LRRC4C: variants seen among roughly 807,000 people sequenced by gnomAD.
LRRC4C encodes leucine rich repeat containing 4C.
A neutral mutation model predicts 33.6 loss-of-function variants in LRRC4C; 5 were observed. The ratio of observed to expected loss-of-function variants is 0.15; its 90% confidence interval spans 0.08 to 0.31. The LOEUF is 0.31. Ranked by LOEUF, LRRC4C falls within the 10% of genes least tolerant of loss-of-function variation. The pLI is 1.00. For missense variants in LRRC4C, 560 were observed against 796.7 expected (o/e 0.70, Z 3.58); for synonymous variants, 329 against 302.0 (o/e 1.09, Z -0.93).
intron 1 of LRRC4C, among the ~76,000 whole-genome samples, chr11:41,205,879 C>T (rs996166080): frequency 1.3e-5 from 2 of 152,008 alleles, no homozygotes; most frequent in Non-Finnish European, 2.9e-5. Flanking sequence ...ATGTCAAAGG[C>T]AGAATTTAAA....
intron 2 of LRRC4C, among the ~76,000 whole-genome samples, chr11:40,755,316 A>G (rs181262339): frequency 1.4e-3 from 207 of 152,214 alleles, no homozygotes; most frequent in Middle Eastern, 3.4e-3. Context: ...GGAAGAGAGT[A>G]CTAGAGAGAC....
At chr11:40,653,140 G>A (rs1942905450) in intron 2 of LRRC4C, among the ~76,000 whole-genome samples, 1 of 152,186 alleles carries the variant, frequency 6.6e-6, no homozygotes, top group Admixed American at 6.5e-5. Flanking sequence ...AGCAGGCTGA[G>A]AATGTACTAA....
chr11:40,242,493 C>T (rs1164608568), intron 4 of LRRC4C, among the ~76,000 whole-genome samples: 1 of 152,178 alleles, frequency 6.6e-6, no homozygotes, highest in East Asian at 1.9e-4. Context: ...ATCATCTGGA[C>T]TTAAACCCAA....
chr11:40,809,792 G>T (rs1365341193), intron 2 of LRRC4C, among the ~76,000 whole-genome samples: 1 of 152,110 alleles, frequency 6.6e-6, no homozygotes, highest in Non-Finnish European at 1.5e-5. Context: ...CTCAGTAAAT[G>T]GTGGTTGTTA....
chr11:40,981,127 A>G (rs1481474662), intron 1 of LRRC4C, among the ~76,000 whole-genome samples: 5 of 152,100 alleles, frequency 3.3e-5, no homozygotes, highest in Non-Finnish European at 7.4e-5. Flanking sequence ...TGAAAAATCT[A>G]ATTGGCGGCT....
At chr11:40,437,006 T>G (rs1037267508) in intron 3 of LRRC4C, among the ~76,000 whole-genome samples, 3 of 152,164 alleles carry the variant, frequency 2.0e-5, no homozygotes, top group African/African-American at 7.2e-5. Context: ...TCTGGAGCAG[T>G]CAGGGATGAG....
At chr11:40,748,782 TAA>T (rs889612106) in intron 2 of LRRC4C, among the ~76,000 whole-genome samples, 1 of 152,066 alleles carries the variant, frequency 6.6e-6, no homozygotes, top group Non-Finnish European at 1.5e-5. Flanking sequence ...TAAAGGAATG[TAA>T]AAAGATATTC....
At position 40,408,948 on chromosome 11, in the gene LRRC4C, A is replaced by C. The variant is rs182970507; in HGVS notation, c.-269-89227T>G. Among the ~76,000 whole-genome samples, 6 of 152,126 alleles carry C rather than the reference A, an allele frequency of 3.9e-5. No individual in the cohort carries two copies. In the East Asian group the frequency reaches 1.2e-3, roughly 29 times the overall value. ...GGACCACAAAAGACTCTGAATAGCC[A>C]AAGCAATCTTAAGCAAATAAAGTGA... On this transcript the variant is annotated intron_variant, in intron 3 of 6. Coordinates refer to ENST00000528697, the MANE Select transcript of LRRC4C (RefSeq NM_001258419.2).
chr11:40,346,151 A>T (rs1002883535), intron 3 of LRRC4C, among the ~76,000 whole-genome samples: 10 of 152,314 alleles, frequency 6.6e-5, no homozygotes, highest in African/African-American at 2.4e-4. Flanking sequence ...TGATTCCTCA[A>T]AGAGCTAAAG....
chr11:41,356,674 A>G (rs1022546742), intron 1 of LRRC4C, among the ~76,000 whole-genome samples: 8 of 152,140 alleles, frequency 5.3e-5, no homozygotes, highest in Admixed American at 6.6e-5. Context: ...CTGTGAATTC[A>G]GACAGTTCAC....
chr11:40,996,807 A>G (rs1453953933), intron 1 of LRRC4C, among the ~76,000 whole-genome samples: 1 of 152,062 alleles, frequency 6.6e-6, no homozygotes, highest in Non-Finnish European at 1.5e-5. Context: ...GACTTTTTAA[A>G]ATGGCCAGCT....
intron 1 of LRRC4C, among the ~76,000 whole-genome samples, chr11:41,027,225 C>T (rs1440018911): frequency 6.6e-6 from 1 of 151,452 alleles, no homozygotes; most frequent in African/African-American, 2.4e-5. Flanking sequence ...AGAAAAATCC[C>T]CTACTCTCAA....
intron 1 of LRRC4C, among the ~76,000 whole-genome samples, chr11:41,083,090 G>A (rs1289518582): frequency 6.6e-6 from 1 of 151,942 alleles, no homozygotes; most frequent in East Asian, 1.9e-4. Context: ...GATTGTGCAA[G>A]GTGTAAAGAA....
chr11:41,300,392 T>A (rs1391580502), intron 1 of LRRC4C, among the ~76,000 whole-genome samples: 5 of 151,728 alleles, frequency 3.3e-5, no homozygotes, highest in African/African-American at 1.2e-4. Flanking sequence ...TGTGTTTTCT[T>A]TTGCTTAGGT....
intron 1 of LRRC4C, among the ~76,000 whole-genome samples, chr11:41,346,222 G>A (rs1951799981): frequency 6.6e-6 from 1 of 152,160 alleles, no homozygotes; most frequent in Admixed American, 6.5e-5. Flanking sequence ...AATATTTAAA[G>A]TGATGTAGAA....
At chr11:40,819,511 T>C (rs1951838071) in intron 2 of LRRC4C, among the ~76,000 whole-genome samples, 1 of 152,110 alleles carries the variant, frequency 6.6e-6, no homozygotes, top group South Asian at 2.1e-4. Context: ...CAAAGCCTAT[T>C]GGTGTTGTTA....
chr11:41,002,868 C>T (rs1268728340), intron 1 of LRRC4C, among the ~76,000 whole-genome samples: 1 of 151,936 alleles, frequency 6.6e-6, no homozygotes, highest in African/African-American at 2.4e-5. Context: ...GATGGTTATA[C>T]CTTTTAAAAT....
intron 1 of LRRC4C, among the ~76,000 whole-genome samples, chr11:41,236,566 T>C (rs1232848406): frequency 6.6e-6 from 1 of 150,552 alleles, no homozygotes; most frequent in Non-Finnish European, 1.5e-5. Flanking sequence ...ATTCCAGTCA[T>C]TATAATTGAA....
At chr11:40,522,137 C>T (rs1405382126) in intron 3 of LRRC4C, among the ~76,000 whole-genome samples, 1 of 152,166 alleles carries the variant, frequency 6.6e-6, no homozygotes, top group African/African-American at 2.4e-5. Flanking sequence ...ATTCTCCTGC[C>T]TCAGCCTCCC....
Sources: allele counts gnomAD v4.1 joint callset (sites outside exome capture counted in the v4.1 genomes callset), GRCh38; gene constraint gnomAD v4.1.1; transcripts MANE v1.5; gene names NCBI Gene and HGNC (gene_info 2026-07-23, HGNC 2026-07-21).